Variants in ASIC2 observed in about 807,000 individuals in gnomAD.
The protein encoded by ASIC2 is acid-sensing ion channel 2.
A neutral mutation model predicts 57.3 loss-of-function variants in ASIC2; 25 were observed. The observed-to-expected ratio is 0.44, with a 90% CI of 0.32 to 0.61. The LOEUF (loss-of-function observed/expected upper bound fraction) is 0.61, where lower values mean the gene tolerates loss of function less well. ASIC2 is among the 20% of genes least tolerant of loss of function. The pLI is 0.06. For missense variants in ASIC2, 641 were observed against 738.1 expected (o/e 0.87, Z 1.52); for synonymous variants, 319 against 307.5 (o/e 1.04, Z -0.39).
chr17:33,505,923 T>A (rs1019639960), intron 1 of ASIC2, among the ~76,000 whole-genome samples: 4 of 152,316 alleles, frequency 2.6e-5, no homozygotes, highest in Admixed American at 1.3e-4. Flanking sequence ...TTTGTGTACC[T>A]CCCTTACTGG....
chr17:33,237,380 T>G (rs1908333529), intron 1 of ASIC2, among the ~76,000 whole-genome samples: 1 of 151,728 alleles, frequency 6.6e-6, no homozygotes, highest in African/African-American at 2.4e-5. Context: ...TACGGAGTTG[T>G]GCTCTTGTTG....
At chr17:34,068,301 C>A (rs777406658) in intron 1 of ASIC2, among the ~76,000 whole-genome samples, 19 of 152,130 alleles carry the variant, frequency 1.2e-4, no homozygotes, top group Non-Finnish European at 2.4e-4. Flanking sequence ...CGGGGTCTGC[C>A]TCGACTTAGG....
chr17:33,281,899 G>A (rs546755493), intron 1 of ASIC2, among the ~76,000 whole-genome samples: 4 of 152,258 alleles, frequency 2.6e-5, no homozygotes, highest in South Asian at 2.1e-4. Flanking sequence ...TGAGTCTGTC[G>A]ACTCCTGAGG....
intron 1 of ASIC2, among the ~76,000 whole-genome samples, chr17:33,271,306 C>A (rs1904483196): frequency 6.6e-6 from 1 of 152,184 alleles, no homozygotes; most frequent in Non-Finnish European, 1.5e-5. Context: ...CTTATGCGAT[C>A]CCACCCAGTC....
At position 33,604,837 on chromosome 17, in the gene ASIC2, C is replaced by T. The variant is rs143945323; in HGVS notation, c.556-492770G>A. ...GGGCTTCAGTGTGAAAAATCTCCCC[C>T]CTAAAACTCGTTCTTTCCCTGAGTG... On this transcript the variant is annotated intron_variant, in intron 1 of 9. Coordinates refer to the ASIC2 transcript ENST00000359872. Among the ~76,000 whole-genome samples, 393 of 152,154 alleles carry T rather than the reference C, an allele frequency of 2.6e-3. 2 individuals are homozygous for T. Among genetic ancestry groups the T allele is most frequent in the African/African-American group, 9.1e-3 (377 of 41,504 alleles).
intron 1 of ASIC2, among the ~76,000 whole-genome samples, chr17:33,328,368 A>C (rs1161995675): frequency 6.6e-6 from 1 of 152,172 alleles, no homozygotes; most frequent in Admixed American, 6.5e-5. Context: ...GTAGCTGGGC[A>C]AAGTTGAGAA....
chr17:33,289,978 G>A (rs905882280), intron 1 of ASIC2, among the ~76,000 whole-genome samples: 1 of 152,194 alleles, frequency 6.6e-6, no homozygotes, highest in Non-Finnish European at 1.5e-5. Flanking sequence ...ATTGTGCTTG[G>A]AGTCCTGGAA....
chr17:33,831,585 A>T (rs867591035), intron 1 of ASIC2, among the ~76,000 whole-genome samples: 1 of 57,606 alleles, frequency 1.7e-5, no homozygotes, highest in Non-Finnish European at 4.9e-5. Flanking sequence ...ATCTGAAGTA[A>T]AAAAAAAAAA....
At chr17:33,833,392 G>A (rs1031494096) in intron 1 of ASIC2, among the ~76,000 whole-genome samples, 5 of 152,224 alleles carry the variant, frequency 3.3e-5, no homozygotes, top group African/African-American at 1.2e-4. Context: ...GGAAAAGGGG[G>A]TTACTGGAGT....
intron 1 of ASIC2, among the ~76,000 whole-genome samples, chr17:33,788,705 G>A (rs1911678628): frequency 6.6e-6 from 1 of 152,158 alleles, no homozygotes; most frequent in South Asian, 2.1e-4. Context: ...TATACACCAT[G>A]GATTACTATG....
At chr17:33,207,855 T>G (rs1907125802) in intron 1 of ASIC2, among the ~76,000 whole-genome samples, 1 of 152,206 alleles carries the variant, frequency 6.6e-6, no homozygotes, top group African/African-American at 2.4e-5. Flanking sequence ...CTCCTGGAGA[T>G]CCCAGTGGGA....
chr17:33,372,477 A>G (rs1034872775), intron 1 of ASIC2, among the ~76,000 whole-genome samples: 1 of 152,142 alleles, frequency 6.6e-6, no homozygotes, highest in Non-Finnish European at 1.5e-5. Context: ...CATGAAGCCA[A>G]CTGAATGGGT....
intron 1 of ASIC2, among the ~76,000 whole-genome samples, chr17:34,058,952 C>T (rs749201331): frequency 3.9e-5 from 6 of 152,172 alleles, no homozygotes; most frequent in Non-Finnish European, 7.3e-5. Context: ...GTTCATACCA[C>T]CAGCAAATGG....
chr17:33,951,260 T>C (rs1459503485), intron 1 of ASIC2, among the ~76,000 whole-genome samples: 1 of 152,164 alleles, frequency 6.6e-6, no homozygotes, highest in Non-Finnish European at 1.5e-5. Flanking sequence ...CCCTCGGTGG[T>C]AGGCCCTGTT....
At chr17:33,428,346 T>G (rs1911287815) in intron 1 of ASIC2, among the ~76,000 whole-genome samples, 1 of 152,252 alleles carries the variant, frequency 6.6e-6, no homozygotes, top group Non-Finnish European at 1.5e-5. Flanking sequence ...CAGATGACTC[T>G]AATGTGCATC....
chr17:34,130,786 G>T (rs953492788), intron 1 of ASIC2, among the ~76,000 whole-genome samples: 11 of 152,224 alleles, frequency 7.2e-5, no homozygotes, highest in Non-Finnish European at 1.3e-4. Context: ...CTAGAAGAGA[G>T]CAGATGCTCA....
chr17:33,440,197 C>T lies in ASIC2; in HGVS notation c.556-328130G>A, dbSNP rs1191246464. 3.9e-5 allele frequency among the ~76,000 whole-genome samples: 6 copies of T among 152,176 alleles called. No homozygotes were observed. In the East Asian group the frequency reaches 1.2e-3, roughly 29 times the overall value. ...AGGCAAACACTGACCAGCTAGCTGTCTCTGTAAATTTACCTTTTCTAGAAA... is the reference window on the plus strand; with the variant it reads ...AGGCAAACACTGACCAGCTAGCTGTTTCTGTAAATTTACCTTTTCTAGAAA... On this transcript the variant is annotated intron_variant, in intron 1 of 9. Coordinates refer to the ASIC2 transcript ENST00000359872.
intron 1 of ASIC2, among the ~76,000 whole-genome samples, chr17:33,956,188 C>A (rs1374747774): frequency 1.3e-5 from 2 of 152,140 alleles, no homozygotes; most frequent in African/African-American, 2.4e-5. Context: ...GGCAGTGATC[C>A]AAGCAGGAGA....
chr17:33,335,251 A>G (rs937589901), intron 1 of ASIC2, among the ~76,000 whole-genome samples: 5 of 152,216 alleles, frequency 3.3e-5, no homozygotes, highest in Non-Finnish European at 5.9e-5. Context: ...CTACAAACAA[A>G]CCCAAGGCAT....
Sources: gnomAD v4.1 joint callset for allele counts (sites outside exome capture counted in the v4.1 genomes callset) on GRCh38, gnomAD v4.1.1 for gene constraint, MANE v1.5 for transcripts, NCBI Gene and HGNC (gene_info 2026-07-23, HGNC 2026-07-21) for gene names.